SYT9: variants seen among roughly 807,000 people sequenced by gnomAD.
SYT9 encodes the protein synaptotagmin-9.
Under a neutral mutation model 48.4 loss-of-function variants are expected in SYT9, and 22 were observed. The ratio of observed to expected loss-of-function variants is 0.45; its 90% CI spans 0.32 to 0.65. SYT9 has a LOEUF of 0.65. SYT9 is among the 30% of genes least tolerant of loss of function. SYT9 has a pLI of 0.03. For synonymous variants in SYT9, 265 were observed against 245.0 expected, an observed-to-expected ratio of 1.08 and a Z score of -0.76; for missense variants, 577 against 622.0, an observed-to-expected ratio of 0.93 and a Z score of 0.77.
chr11:7,319,153 T>A (rs1849291948), intron 3 of SYT9, among the ~76,000 whole-genome samples: 1 of 141,244 alleles, frequency 7.1e-6, no homozygotes, highest in Non-Finnish European at 1.5e-5. Flanking sequence ...GGATATTCAT[T>A]CCCCTATTTC....
intron 3 of SYT9, among the ~76,000 whole-genome samples, chr11:7,401,443 T>C (rs1306151282): frequency 6.6e-6 from 1 of 151,744 alleles, no homozygotes; most frequent in Non-Finnish European, 1.5e-5. Context: ...CTGTAATTAG[T>C]TGGGAAGTGT....
At chr11:7,251,300 GA>G (rs1847862961), upstream of SYT9, among the ~76,000 whole-genome samples, 1 of 4,724 alleles carries the variant, frequency 2.1e-4, no homozygotes. Context: ...CGGTTGCTTA[GA>G]AAACTAAGGG....
intron 3 of SYT9, among the ~76,000 whole-genome samples, chr11:7,315,213 A>T (rs975889301): frequency 6.6e-6 from 1 of 152,218 alleles, no homozygotes; most frequent in African/African-American, 2.4e-5. Context: ...GATACTGGGG[A>T]AGGAATAGGT....
intron 1 of SYT9, among the ~76,000 whole-genome samples, chr11:7,254,630 G>C (rs1375517555): frequency 6.6e-6 from 1 of 152,148 alleles, no homozygotes; most frequent in African/African-American, 2.4e-5. Flanking sequence ...TGAGACATGG[G>C]TTCCTAGAGA....
intron 1 of SYT9, among the ~76,000 whole-genome samples, chr11:7,245,340 AATC>A (rs981773267): frequency 6.6e-5 from 10 of 152,222 alleles, no homozygotes; most frequent in Admixed American, 3.9e-4. Flanking sequence ...GATTAGTTAT[AATC>A]ATTAATGTAT....
chr11:7,449,090 T>C (rs1847991377), intron 6 of SYT9, among the ~76,000 whole-genome samples: 1 of 152,048 alleles, frequency 6.6e-6, no homozygotes, highest in African/African-American at 2.4e-5. Context: ...ACACCTGTAA[T>C]CCCAGCGCTT....
intron 3 of SYT9, among the ~76,000 whole-genome samples, chr11:7,356,893 A>G (rs972279825): frequency 6.6e-6 from 1 of 152,174 alleles, no homozygotes; most frequent in Non-Finnish European, 1.5e-5. Flanking sequence ...CCCTACCTTC[A>G]TGGTGTTTCA....
At chr11:7,366,461 TAG>T (rs1470854104) in intron 3 of SYT9, among the ~76,000 whole-genome samples, 1 of 152,190 alleles carries the variant, frequency 6.6e-6, no homozygotes, top group African/African-American at 2.4e-5. Flanking sequence ...AAACTCTTAA[TAG>T]AGTTAATTAA....
chr11:7,324,342 T>C lies in SYT9; in HGVS notation c.1044+10401T>C, dbSNP rs919869341. Among the ~76,000 whole-genome samples the C allele has an allele frequency of 3.9e-4, 59 of 151,930 alleles. 1 individual carries two copies. Among genetic ancestry groups the C allele is most frequent in the Admixed American group, 3.3e-3 (50 of 15,250 alleles). ...GTGTCACTGGAGTTTATCAGTCTTATTGGCCTTTTCAAATAACCAACTTTT... is the reference window on the plus strand; with the variant it reads ...GTGTCACTGGAGTTTATCAGTCTTACTGGCCTTTTCAAATAACCAACTTTT... On this transcript the variant is annotated intron_variant, in intron 3 of 6. Transcript: ENST00000318881.
intron 6 of SYT9, chr11:7,454,078 G>A (rs568127512): frequency 2.9e-5 from 29 of 985,198 alleles, no homozygotes; most frequent in South Asian, 4.7e-5. Flanking sequence ...CAGGTGAGTC[G>A]CCCCTTTTCT....
intron 3 of SYT9, among the ~76,000 whole-genome samples, chr11:7,358,955 T>G (rs763592116): frequency 5.3e-5 from 8 of 152,170 alleles, no homozygotes; most frequent in Non-Finnish European, 1.0e-4. Flanking sequence ...ACCCACTAAC[T>G]TGTCATCTAG....
chr11:7,381,618 G>A (rs1250480085), intron 3 of SYT9, among the ~76,000 whole-genome samples: 2 of 152,196 alleles, frequency 1.3e-5, no homozygotes, highest in African/African-American at 4.8e-5. Context: ...AGAAGAGAGT[G>A]TCTGCCAAAT....
rs752377707 is a variant in SYT9 at position 7,313,595 on chromosome 11, A to T, written c.698A>T (p.Asp233Val). 1.2e-6 allele frequency: 2 copies of T among 1,614,032 alleles called. No homozygotes were observed. The highest frequency in any genetic ancestry group is 2.7e-5 in the African/African-American group (2 of 74,912). ...AACTTCATTTTAAAATATGACTGTG[A>T]CTTAGAGCAGCTCATAGTGAAGATT... ...KLNFILKYDC[D>V]LEQLIVKIHK... is the part of the protein sequence containing the mutation. Residue 233 changes from aspartate (D) to valine (V), a missense_variant, in exon 3 of 7, where the codon GAC becomes GTC. Transcript: ENST00000318881.
chr11:7,308,343 C>G (rs1849069832), intron 2 of SYT9, among the ~76,000 whole-genome samples: 1 of 152,124 alleles, frequency 6.6e-6, no homozygotes, highest in African/African-American at 2.4e-5. Context: ...CTGAGGTGGG[C>G]CACTGCAGTG....
chr11:7,365,232 A>G (rs1238266844), intron 3 of SYT9, among the ~76,000 whole-genome samples: 1 of 152,112 alleles, frequency 6.6e-6, no homozygotes, highest in African/African-American at 2.4e-5. Flanking sequence ...TGGGGTGGGG[A>G]AATGGGAACA....
chr11:7,418,048 C>T lies in SYT9; in HGVS notation c.1257C>T (p.Tyr419=). 1 of 1,614,176 alleles carries T rather than the reference C, an allele frequency of 6.2e-7. No individual in the cohort carries two copies. Among genetic ancestry groups the T allele is most frequent in the Non-Finnish European group, 8.5e-7 (1 of 1,180,040 alleles). The stretch of plus-strand genomic sequence containing the variant: ...AGAGGAACACCTTGAATCCTGTTTA[C>T]AACGAAGCCATAGTCTTTGATGTCC... ...STKRNTLNPV[Y]NEAIVFDVPP... The change falls in exon 5 of 7, where the codon TAC becomes TAT. Residue 419 remains tyrosine, a synonymous_variant. Coordinates refer to ENST00000318881, the MANE Select transcript of SYT9 (RefSeq NM_175733.4).
At chr11:7,412,068 T>C (rs11041359) in intron 3 of SYT9, among the ~76,000 whole-genome samples, 5 of 152,166 alleles carry the variant, frequency 3.3e-5, no homozygotes, top group Non-Finnish European at 7.4e-5. Context: ...TTAAAAAAAA[T>C]GTGTATCTCT....
chr11:7,311,670 C>T (rs1039352708), intron 2 of SYT9, among the ~76,000 whole-genome samples: 4 of 152,198 alleles, frequency 2.6e-5, no homozygotes, highest in African/African-American at 7.2e-5. Flanking sequence ...CAATTATGGA[C>T]ATTTTTTGAA....
chr11:7,257,676 A>G (rs1183879197), intron 1 of SYT9, among the ~76,000 whole-genome samples: 1 of 152,128 alleles, frequency 6.6e-6, no homozygotes, highest in Admixed American at 6.5e-5. Context: ...AATGGGATTA[A>G]TTTTTTTAAA....
Sources: gnomAD v4.1 joint callset for allele counts (sites outside exome capture counted in the v4.1 genomes callset) on GRCh38, gnomAD v4.1.1 for gene constraint, MANE v1.5 for transcripts, NCBI Gene and HGNC (gene_info 2026-07-23, HGNC 2026-07-21) for gene names.